The following UTRN variants were observed in gnomAD, a reference collection of about 807,000 sequenced individuals.
UTRN encodes the protein utrophin.
Under a neutral mutation model 463.9 loss-of-function variants are expected in UTRN, and 283 were observed. The ratio of observed to expected loss-of-function variants is 0.61; its 90% CI spans 0.55 to 0.67. The LOEUF is 0.67. Ranked by LOEUF, UTRN falls within the 30% of genes least tolerant of loss-of-function variation. The probability of loss-of-function intolerance (pLI) is 0.00; values close to 1 mark genes in which losing one functional copy is unlikely to be tolerated. For missense variants in UTRN, 3,922 were observed against 4,084.3 expected, an observed-to-expected ratio of 0.96 and a Z score of 1.08; for synonymous variants, 1,442 against 1,431.5, an observed-to-expected ratio of 1.01 and a Z score of -0.17.
intron 3 of UTRN, among the ~76,000 whole-genome samples, chr6:144,420,084 C>A (rs998590212): frequency 2.6e-5 from 4 of 152,100 alleles, no homozygotes; most frequent in Non-Finnish European, 5.9e-5. Context: ...CTTCTTCCCC[C>A]TCCTCCATTT....
At chr6:144,634,972 A>T (rs901064722) in intron 51 of UTRN, among the ~76,000 whole-genome samples, 2 of 152,132 alleles carry the variant, frequency 1.3e-5, no homozygotes, top group African/African-American at 4.8e-5. Flanking sequence ...TAATGCTGCT[A>T]TGAACATTTA....
In UTRN at chr6:144,514,641, T is replaced by C; in HGVS notation, c.5074-9T>C. 1 of 1,611,576 alleles carries C rather than the reference T, an allele frequency of 6.2e-7. No individual in the cohort carries two copies. Among genetic ancestry groups the C allele is most frequent in the Non-Finnish European group, 8.5e-7 (1 of 1,179,150 alleles). ...CCCATGAGATAATTTTGTGTTTTCT[T>C]ATAATTAGCGTTTAGTATCTGAGCT... On this transcript the variant is annotated splice_polypyrimidine_tract_variant and intron_variant, in intron 36 of 74. Transcript: ENST00000367545.
intron 34 of UTRN, among the ~76,000 whole-genome samples, chr6:144,503,514 C>T (rs1794408674): frequency 6.6e-6 from 1 of 152,130 alleles, no homozygotes; most frequent in South Asian, 2.1e-4. Flanking sequence ...GGAATCCTTT[C>T]CCTATTGCTT....
At chr6:144,704,101 A>G (rs888939323) in intron 53 of UTRN, among the ~76,000 whole-genome samples, 4 of 152,146 alleles carry the variant, frequency 2.6e-5, no homozygotes, top group African/African-American at 4.8e-5. Context: ...AAATATATTC[A>G]TCATCCATTT....
intron 35 of UTRN, among the ~76,000 whole-genome samples, chr6:144,511,679 C>A (rs1392355838): frequency 1.3e-5 from 2 of 152,102 alleles, no homozygotes; most frequent in Non-Finnish European, 2.9e-5. Flanking sequence ...TAACTATATG[C>A]AAAACAACCA....
intron 3 of UTRN, among the ~76,000 whole-genome samples, chr6:144,407,314 A>G (rs191409551): frequency 5.3e-5 from 8 of 152,294 alleles, no homozygotes; most frequent in Admixed American, 1.3e-4. Context: ...GCCTAATTCT[A>G]TATGTTCATA....
intron 51 of UTRN, among the ~76,000 whole-genome samples, chr6:144,672,376 T>A (rs1192330991): frequency 6.6e-6 from 1 of 152,036 alleles, no homozygotes; most frequent in East Asian, 1.9e-4. Flanking sequence ...CTTCCTGGTT[T>A]AATTTAGAAG....
intron 51 of UTRN, among the ~76,000 whole-genome samples, chr6:144,633,451 C>T (rs1276861735): frequency 2.0e-5 from 3 of 151,920 alleles, no homozygotes; most frequent in Admixed American, 1.3e-4. Context: ...CCAGAATGAT[C>T]TCGATCTCCT....
At chr6:144,453,959 A>G (rs1788572759) in intron 19 of UTRN, 90 bp downstream of exon 19, 5 of 1,060,888 alleles carry the variant, frequency 4.7e-6, no homozygotes, top group Admixed American at 2.5e-5. Context: ...TTGCTTTAAT[A>G]CTCGAATCCT....
intron 33 of UTRN, among the ~76,000 whole-genome samples, chr6:144,494,763 T>G (rs1228538719): frequency 1.3e-5 from 2 of 151,028 alleles, no homozygotes; most frequent in Admixed American, 6.6e-5. Context: ...TACAGAGTGT[T>G]GATTGGTGCA....
At chr6:144,445,466 G>A (rs945454886) in intron 14 of UTRN, among the ~76,000 whole-genome samples, 1 of 151,838 alleles carries the variant, frequency 6.6e-6, no homozygotes, top group Admixed American at 6.6e-5. Flanking sequence ...CTCTTCAGGG[G>A]AAAAAACTCA....
chr6:144,479,435 GT>G, intron 25 of UTRN, among the ~76,000 whole-genome samples: 1 of 151,938 alleles, frequency 6.6e-6, no homozygotes, highest in South Asian at 2.1e-4. Context: ...TAGATTTTTT[GT>G]TTTTGCTTTC....
chr6:144,540,559 T>G (rs1191342274), intron 45 of UTRN, among the ~76,000 whole-genome samples: 2 of 152,186 alleles, frequency 1.3e-5, no homozygotes, highest in Non-Finnish European at 2.9e-5. Flanking sequence ...CTGCTCAACA[T>G]CTCTCCTTAA....
chr6:144,433,991 C>T (rs1383128623), intron 9 of UTRN, among the ~76,000 whole-genome samples: 7 of 152,238 alleles, frequency 4.6e-5, no homozygotes, highest in South Asian at 2.1e-4. Context: ...CCAAGGCAGG[C>T]GGCTGGGATG....
chr6:144,563,621 G>A (rs918191262), intron 50 of UTRN, among the ~76,000 whole-genome samples: 5 of 151,954 alleles, frequency 3.3e-5, no homozygotes, highest in Non-Finnish European at 7.4e-5. Flanking sequence ...TTATCCTCTC[G>A]GAAGCTTACT....
chr6:144,674,117 T>C (rs1458259690), intron 51 of UTRN, among the ~76,000 whole-genome samples: 1 of 152,178 alleles, frequency 6.6e-6, no homozygotes, highest in Non-Finnish European at 1.5e-5. Flanking sequence ...GATGACTGTA[T>C]GCCTAGGTGA....
chr6:144,295,400 AGT>A (rs1804588552), intron 2 of UTRN, among the ~76,000 whole-genome samples: 1 of 152,242 alleles, frequency 6.6e-6, no homozygotes, highest in Admixed American at 6.5e-5. Flanking sequence ...GGCTAAGGAC[AGT>A]GTGTCAGCTG....
chr6:144,625,355 T>A (rs1388978623), intron 51 of UTRN, among the ~76,000 whole-genome samples: 1 of 152,242 alleles, frequency 6.6e-6, no homozygotes, highest in Non-Finnish European at 1.5e-5. Flanking sequence ...ATTATACTAT[T>A]TTGAGTTGGA....
At chr6:144,814,885 CAAGTT>C (rs1778941983) in intron 65 of UTRN, among the ~76,000 whole-genome samples, 1 of 152,066 alleles carries the variant, frequency 6.6e-6, no homozygotes, top group African/African-American at 2.4e-5. Flanking sequence ...TATTAGAAAA[CAAGTT>C]AAGTTAAATC....
Sources: gnomAD v4.1 joint callset for allele counts (sites outside exome capture counted in the v4.1 genomes callset) on GRCh38, gnomAD v4.1.1 for gene constraint, MANE v1.5 for transcripts, NCBI Gene and HGNC (gene_info 2026-07-23, HGNC 2026-07-21) for gene names.